The following VMP1 variants were observed in gnomAD, a reference collection of about 807,000 sequenced individuals.
The protein encoded by VMP1 is vacuole membrane protein 1, also known as ectopic P-granules autophagy protein 3 homolog.
VMP1 carries 11 observed loss-of-function variants against 56.0 expected under a neutral mutation model. That is an observed-to-expected ratio of 0.20 (90% CI 0.12 to 0.32). The LOEUF (loss-of-function observed/expected upper bound fraction) is 0.32, where lower values mean the gene tolerates loss of function less well. Ranked by LOEUF, VMP1 falls within the 10% of genes least tolerant of loss-of-function variation. The probability of loss-of-function intolerance (pLI) is 1.00; values close to 1 mark genes in which losing one functional copy is unlikely to be tolerated. For synonymous variants in VMP1, 149 were observed against 165.0 expected, an observed-to-expected ratio of 0.90 and a Z score of 0.74; for missense variants, 296 against 490.3, an observed-to-expected ratio of 0.60 and a Z score of 3.74.
intron 10 of VMP1, among the ~76,000 whole-genome samples, chr17:59,834,280 TGAGATG>T (rs1325309640): frequency 6.6e-6 from 1 of 151,842 alleles, no homozygotes; most frequent in East Asian, 1.9e-4. Flanking sequence ...TGTTTTTGTT[TGAGATG>T]GAGTCTCACT....
At chr17:59,814,797 G>A (rs1361312785) in intron 9 of VMP1, among the ~76,000 whole-genome samples, 2 of 152,162 alleles carry the variant, frequency 1.3e-5, no homozygotes, top group African/African-American at 2.4e-5. Flanking sequence ...AAGAATCTGA[G>A]TTCCTTCACT....
rs1179269248 is a variant in VMP1 at position 59,772,950 on chromosome 17, C to CTTTTTTTTTTTTTTTT, written c.583-789_583-774dup. On this transcript the variant is annotated intron_variant, in intron 6 of 11. Coordinates refer to ENST00000262291, the MANE Select transcript of VMP1 (RefSeq NM_030938.5). ...TATCTAACACATATACTGGTGAATT[C>CTTTTTTTTTTTTTTTT]TTTTTTTTTTTTTTTTTTTTTTTTT... 1.8e-3 allele frequency among the ~76,000 whole-genome samples: 101 copies of CTTTTTTTTTTTTTTTT among 55,718 alleles called. 24 individuals are homozygous for CTTTTTTTTTTTTTTTT. The highest frequency in any genetic ancestry group is 2.8e-3 in the Admixed American group (9 of 3,214). The allele number at this position is 55,718 out of a possible 152,430, so 36.6% of individuals were successfully genotyped here. A position where few individuals can be genotyped will look rare whatever the true frequency, so the allele number is the denominator to read the frequency against.
chr17:59,708,333 C>T (rs1011056154), intron 1 of VMP1, among the ~76,000 whole-genome samples: 4 of 152,168 alleles, frequency 2.6e-5, no homozygotes, highest in African/African-American at 9.7e-5. Flanking sequence ...TCTGCCTTTC[C>T]AAACCCCTGA....
At chr17:59,802,957 C>T (rs2037725648) in intron 7 of VMP1, among the ~76,000 whole-genome samples, 1 of 152,050 alleles carries the variant, frequency 6.6e-6, no homozygotes, top group Admixed American at 6.6e-5. Context: ...TGTTGGTCAG[C>T]CTGGTCTGGA....
chr17:59,719,849 A>C lies in VMP1; in HGVS notation c.-26-11572A>C, dbSNP rs555446040. ...CTTCTGCAGGAAACAAATAAAAAAA[A>C]CCCCACATTTAATGTTAACTCTGTT... On this transcript the variant is annotated intron_variant, in intron 1 of 11. Coordinates refer to ENST00000262291, the MANE Select transcript of VMP1 (RefSeq NM_030938.5). Among the ~76,000 whole-genome samples the C allele has an allele frequency of 3.2e-4, 49 of 152,068 alleles. No individual in the cohort carries two copies. In the South Asian group the frequency reaches 7.9e-3, roughly 24 times the overall value.
At chr17:59,809,304 CTTTTTTTTTTTTT>C (rs57274450) in intron 8 of VMP1, among the ~76,000 whole-genome samples, 27 of 33,432 alleles carry the variant, frequency 8.1e-4, no homozygotes, top group African/African-American at 1.1e-3. Context: ...GCCCATTCAA[CTTTTTTTTTTTTT>C]TTTTTTTTTT....
At chr17:59,783,659 AGT>A (rs2036903019) in intron 7 of VMP1, among the ~76,000 whole-genome samples, 1 of 152,082 alleles carries the variant, frequency 6.6e-6, no homozygotes, top group Non-Finnish European at 1.5e-5. Context: ...TCAAAATCTG[AGT>A]CATCTGACTC....
intron 4 of VMP1, among the ~76,000 whole-genome samples, chr17:59,738,501 A>C (rs1166321723): frequency 2.6e-5 from 4 of 152,226 alleles, no homozygotes; most frequent in Non-Finnish European, 5.9e-5. Context: ...ACAGTTCTAA[A>C]TGCATTTATT....
intron 5 of VMP1, among the ~76,000 whole-genome samples, chr17:59,744,567 C>T (rs2035353885): frequency 6.7e-6 from 1 of 149,424 alleles, no homozygotes; most frequent in African/African-American, 2.5e-5. Context: ...AGGAAGGATC[C>T]CTGCTTGAGA....
chr17:59,830,248 A>G (rs930840183), intron 10 of VMP1, among the ~76,000 whole-genome samples: 2 of 151,940 alleles, frequency 1.3e-5, no homozygotes, highest in African/African-American at 4.8e-5. Flanking sequence ...TTTTTTGTAG[A>G]GAGGAGGTCT....
At chr17:59,825,156 G>T (rs1160899583) in intron 10 of VMP1, among the ~76,000 whole-genome samples, 1 of 127,738 alleles carries the variant, frequency 7.8e-6, no homozygotes, top group African/African-American at 3.0e-5. Flanking sequence ...GTGCAATCTC[G>T]ACCCACTGCA....
chr17:59,749,195 G>A (rs934090251), intron 5 of VMP1, among the ~76,000 whole-genome samples: 7 of 151,234 alleles, frequency 4.6e-5, no homozygotes, highest in African/African-American at 1.5e-4. Flanking sequence ...CTGACCTCGC[G>A]ATCCGCCTAC....
At chr17:59,804,126 A>G (rs2144188831) in intron 7 of VMP1, among the ~76,000 whole-genome samples, 2 of 152,244 alleles carry the variant, frequency 1.3e-5, no homozygotes, top group South Asian at 4.1e-4. Context: ...AAATTATACA[A>G]ATAATTAAAA....
At chr17:59,762,337 C>T (rs1253217919) in intron 5 of VMP1, among the ~76,000 whole-genome samples, 1 of 152,060 alleles carries the variant, frequency 6.6e-6, no homozygotes, top group African/African-American at 2.4e-5. Flanking sequence ...GGTCTTTACC[C>T]TCTTGTTTCT....
intron 10 of VMP1, among the ~76,000 whole-genome samples, chr17:59,835,632 G>A (rs2038957546): frequency 6.6e-6 from 1 of 150,904 alleles, no homozygotes; most frequent in Non-Finnish European, 1.5e-5. Context: ...TGGGGATTCT[G>A]TGCATGTGCC....
intron 7 of VMP1, among the ~76,000 whole-genome samples, chr17:59,789,899 G>C (rs1229613250): frequency 7.8e-6 from 1 of 128,820 alleles, no homozygotes; most frequent in Non-Finnish European, 1.6e-5. Context: ...GAGTGCAGTG[G>C]TGTGATCTCA....
intron 1 of VMP1, among the ~76,000 whole-genome samples, chr17:59,717,271 G>T (rs1440742695): frequency 1.3e-5 from 2 of 152,126 alleles, no homozygotes; most frequent in African/African-American, 4.8e-5. Context: ...CGCTCGGCCG[G>T]TCCGCCATCT....
intron 7 of VMP1, among the ~76,000 whole-genome samples, chr17:59,799,443 G>A (rs1030785196): frequency 6.6e-6 from 1 of 152,116 alleles, no homozygotes; most frequent in African/African-American, 2.4e-5. Flanking sequence ...ACACAACTCA[G>A]TTCTCATCAC....
chr17:59,833,669 T>A (rs528737981), intron 10 of VMP1, among the ~76,000 whole-genome samples: 2 of 152,360 alleles, frequency 1.3e-5, no homozygotes, highest in South Asian at 2.1e-4. Flanking sequence ...CATCATATGA[T>A]GTACTCTATC....
Sources: gnomAD v4.1 joint callset for allele counts (sites outside exome capture counted in the v4.1 genomes callset) on GRCh38, gnomAD v4.1.1 for gene constraint, MANE v1.5 for transcripts, NCBI Gene and HGNC (gene_info 2026-07-23, HGNC 2026-07-21) for gene names.